Variants in VAPA observed in about 807,000 individuals in gnomAD.
The protein encoded by VAPA is vesicle-associated membrane protein-associated protein A.
Under a neutral mutation model 25.6 loss-of-function variants are expected in VAPA, and 6 were observed. The ratio of observed to expected loss-of-function variants is 0.23; its 90% CI spans 0.13 to 0.46. The LOEUF (loss-of-function observed/expected upper bound fraction) is 0.46. VAPA is among the 20% of genes least tolerant of loss of function. The pLI is 0.99. For missense variants in VAPA, 244 were observed against 302.1 expected, an observed-to-expected ratio of 0.81 and a Z score of 1.43; for synonymous variants, 112 against 106.2, an observed-to-expected ratio of 1.05 and a Z score of -0.34.
intron 5 of VAPA, chr18:9,950,789 T>C (rs2069482186): frequency 2.1e-6 from 1 of 485,684 alleles, no homozygotes; most frequent in South Asian, 2.3e-5. Context: ...TAATTATTTG[T>C]GATCTGGCCT....
intron 1 of VAPA, among the ~76,000 whole-genome samples, chr18:9,931,092 T>TGTG (rs1281213536): frequency 1.3e-5 from 2 of 152,200 alleles, no homozygotes; most frequent in African/African-American, 2.4e-5. Flanking sequence ...TACTTAGAAC[T>TGTG]GTGGTTATTG....
At chr18:9,935,012 G>A (rs1001545098) in intron 2 of VAPA, among the ~76,000 whole-genome samples, 5 of 150,216 alleles carry the variant, frequency 3.3e-5, no homozygotes, top group Admixed American at 1.3e-4. Context: ...GGAGAATGGC[G>A]TGAACCTGGG....
chr18:9,936,022 C>T, intron 2 of VAPA, 88 bp from the exon 3 acceptor site: 1 of 900,418 alleles, frequency 1.1e-6, no homozygotes, highest in Non-Finnish European at 1.6e-6. Context: ...AAATCCCAGA[C>T]TTAGTATAAT....
rs1355785093 is a variant in VAPA at position 9,957,359 on chromosome 18, C to T, written c.*3148C>T. The T allele has an allele frequency of 6.6e-6, 1 of 152,138 alleles. No homozygotes were observed. The highest frequency in any genetic ancestry group is 1.5e-5 in the Non-Finnish European group (1 of 68,032). The allele number at this position is 152,138 out of a possible 1,614,324, so 9.4% of individuals were successfully genotyped here. A position where few individuals can be genotyped will look rare whatever the true frequency, so the allele number is the denominator to read the frequency against. On this transcript the variant is annotated 3_prime_UTR_variant, in exon 6 of 6. Transcript: ENST00000400000. ...TACTCTTAAATACTTAGATGTTCACCTAAAGTTGATATTATTTGGTATGGG... is the reference window on the plus strand; with the variant it reads ...TACTCTTAAATACTTAGATGTTCACTTAAAGTTGATATTATTTGGTATGGG...
At chr18:9,926,243 A>G (rs2069199242) in intron 1 of VAPA, among the ~76,000 whole-genome samples, 2 of 152,154 alleles carry the variant, frequency 1.3e-5, no homozygotes, top group South Asian at 2.1e-4. Flanking sequence ...TGCCACAGAT[A>G]CTCAGCAGCA....
chr18:9,941,169 G>A (rs751689895), intron 4 of VAPA, among the ~76,000 whole-genome samples: 9 of 151,646 alleles, frequency 5.9e-5, no homozygotes, highest in Non-Finnish European at 1.0e-4. Flanking sequence ...AATATCTGAT[G>A]TTCTGAAAAA....
At chr18:9,936,858 A>T (rs2069316367) in intron 3 of VAPA, 128 bp from the exon 4 acceptor site, 1 of 654,060 alleles carries the variant, frequency 1.5e-6, no homozygotes, top group Admixed American at 2.8e-5. Flanking sequence ...GGTGATCAAT[A>T]AAGAGTGCAC....
At chr18:9,949,907 T>C (rs2069469769) in intron 4 of VAPA, 1 of 153,674 alleles carries the variant, frequency 6.5e-6, no homozygotes, top group Admixed American at 6.5e-5. Flanking sequence ...AGTTAGCTTT[T>C]CTTGGGCATG....
intron 4 of VAPA, among the ~76,000 whole-genome samples, chr18:9,939,265 G>A (rs532959215): frequency 2.0e-5 from 3 of 150,852 alleles, no homozygotes; most frequent in East Asian, 3.9e-4. Context: ...TCTGCCTCCC[G>A]GGTTCAAGCA....
intron 4 of VAPA, among the ~76,000 whole-genome samples, chr18:9,943,257 G>A (rs762135679): frequency 1.2e-4 from 18 of 152,158 alleles, no homozygotes; most frequent in Middle Eastern, 3.2e-3. Context: ...CATCACTAAA[G>A]TATGGGCTAC....
intron 4 of VAPA, chr18:9,948,216 A>G (rs1272885820): frequency 2.0e-5 from 3 of 152,220 alleles, no homozygotes; most frequent in Admixed American, 6.5e-5. Context: ...GTCTAATTCT[A>G]TTAGAATTAG....
intron 2 of VAPA, among the ~76,000 whole-genome samples, chr18:9,933,357 A>G (rs1226540685): frequency 2.0e-5 from 3 of 152,096 alleles, no homozygotes; most frequent in Non-Finnish European, 4.4e-5. Flanking sequence ...TAGGAAAAAG[A>G]TGTTTTAGTG....
At chr18:9,943,947 G>A (rs1209643857) in intron 4 of VAPA, among the ~76,000 whole-genome samples, 2 of 131,324 alleles carry the variant, frequency 1.5e-5, no homozygotes, top group South Asian at 2.7e-4. Flanking sequence ...TGTAAGCGCC[G>A]CCTCCCGGGT....
At chr18:9,936,953 C>G (rs1359702403) in intron 3 of VAPA, 33 bp from the exon 4 acceptor site, 16 of 1,582,438 alleles carry the variant, frequency 1.0e-5, no homozygotes, top group Middle Eastern at 3.3e-4. Flanking sequence ...ATCATACCTC[C>G]TATGTCTCAT....
chr18:9,919,118 C>G (rs550589088), intron 1 of VAPA, among the ~76,000 whole-genome samples: 5 of 152,108 alleles, frequency 3.3e-5, no homozygotes, highest in Non-Finnish European at 7.4e-5. Context: ...CCTGACCTTG[C>G]GTGATCCTCC....
At chr18:9,950,300 T>C (rs1273490636) in intron 4 of VAPA, 95 bp from the exon 5 acceptor site, 8 of 1,398,628 alleles carry the variant, frequency 5.7e-6, no homozygotes, top group African/African-American at 1.5e-5. Flanking sequence ...AAAGAGTTTT[T>C]CATGAACAAA....
intron 1 of VAPA, among the ~76,000 whole-genome samples, chr18:9,915,543 G>A (rs927738146): frequency 3.9e-5 from 6 of 152,056 alleles, no homozygotes; most frequent in African/African-American, 1.2e-4. Flanking sequence ...GTCCCGTTTT[G>A]GAAGTCTATG....
At chr18:9,941,526 G>T (rs1203418389) in intron 4 of VAPA, among the ~76,000 whole-genome samples, 1 of 151,984 alleles carries the variant, frequency 6.6e-6, no homozygotes, top group Non-Finnish European at 1.5e-5. Context: ...TATTCATGTG[G>T]TAATAAGACC....
intron 2 of VAPA, 41 bp downstream of exon 2, chr18:9,932,003 G>T (rs760117741): frequency 1.4e-6 from 2 of 1,404,186 alleles, no homozygotes; most frequent in South Asian, 1.3e-5. Flanking sequence ...TTTGAATTTT[G>T]ACCTTTTATG....
Sources: allele counts gnomAD v4.1 joint callset (sites outside exome capture counted in the v4.1 genomes callset), GRCh38; gene constraint gnomAD v4.1.1; transcripts MANE v1.5; gene names NCBI Gene and HGNC (gene_info 2026-07-23, HGNC 2026-07-21).